Variants in UGGT2 observed in about 807,000 individuals in gnomAD.
UGGT2 encodes the protein UDP-glucose glycoprotein glucosyltransferase 2, also known as UDP-glucose:glycoprotein glucosyltransferase 2.
A neutral mutation model predicts 192.1 loss-of-function variants in UGGT2; 180 were observed. That is an observed-to-expected ratio of 0.94 (90% CI 0.83 to 1.06). UGGT2 has a LOEUF of 1.06. UGGT2 is among the 50% of genes least tolerant of loss of function. The pLI, the probability that UGGT2 is intolerant of heterozygous loss-of-function variation, is 0.00. For missense variants in UGGT2, 1,849 were observed against 1,795.7 expected (o/e 1.03, Z -0.54); for synonymous variants, 580 against 591.0 (o/e 0.98, Z 0.27).
At chr13:95,911,354 G>A (rs981239218) in intron 20 of UGGT2, among the ~76,000 whole-genome samples, 1 of 152,052 alleles carries the variant, frequency 6.6e-6, no homozygotes, top group Admixed American at 6.6e-5. Flanking sequence ...TAATAAAGAA[G>A]AAAAGAAAGA....
intron 12 of UGGT2, among the ~76,000 whole-genome samples, chr13:95,969,795 T>C (rs986439372): frequency 2.0e-5 from 3 of 152,252 alleles, no homozygotes; most frequent in Non-Finnish European, 4.4e-5. Flanking sequence ...GTAGCACTTT[T>C]ATATACACCT....
chr13:96,053,017 G>A (rs1041425867), intron 1 of UGGT2, 138 bp downstream of exon 1: 1 of 1,197,184 alleles, frequency 8.4e-7, no homozygotes, highest in Non-Finnish European at 1.1e-6. Context: ...GGAAGGAGGT[G>A]GTGATGCTCA....
At chr13:95,805,584 A>G (rs1884263427) in intron 38 of UGGT2, among the ~76,000 whole-genome samples, 1 of 152,150 alleles carries the variant, frequency 6.6e-6, no homozygotes, top group Non-Finnish European at 1.5e-5. Flanking sequence ...ATACAATGGG[A>G]TTTTATCCAG....
intron 12 of UGGT2, among the ~76,000 whole-genome samples, chr13:95,963,769 G>T (rs1413210550): frequency 2.0e-5 from 3 of 151,974 alleles, no homozygotes; most frequent in Admixed American, 6.6e-5. Context: ...AATCAAAAGG[G>T]TAATCCCATT....
At position 95,837,154 on chromosome 13, in the gene UGGT2, G is replaced by C. The variant is rs762609868; in HGVS notation, c.4333C>G (p.Gln1445Glu). The change falls in exon 37 of 39, where the codon CAA becomes GAA. Residue 1445 changes from glutamine to glutamate, a missense_variant. Gln to Glu is a conservative substitution (Grantham distance 29). Transcript: ENST00000376747. The stretch of plus-strand genomic sequence containing the variant: ...CAGGTTTCACACCACAGCCAGTCTT[G>C]AGGAAGAGACTTAATGGCGACTTGG... ...IYQVAIKSLP[Q>E]DWLWCETWCD... 6.2e-7 allele frequency: 1 copy of C among 1,614,026 alleles called. No homozygotes were observed. Among genetic ancestry groups the C allele is most frequent in the Non-Finnish European group, 8.5e-7 (1 of 1,179,982 alleles).
chr13:95,853,372 T>G (rs912430323), intron 36 of UGGT2, among the ~76,000 whole-genome samples, 171 bp downstream of exon 36: 2 of 152,192 alleles, frequency 1.3e-5, no homozygotes, highest in African/African-American at 4.8e-5. Flanking sequence ...TTGAAAATGT[T>G]GAGCTTGAGG....
rs146711266 is a variant in UGGT2 at position 95,910,149 on chromosome 13, A to C, written c.2296-7089T>G. Among the ~76,000 whole-genome samples, 94 of 152,332 alleles carry C rather than the reference A, an allele frequency of 6.2e-4. 1 individual carries two copies. In the East Asian group the frequency reaches 0.018, roughly 29 times the overall value. ...CCACTGCAAAAACATGCCAAACTGT[A>C]AAGACCATTGGTGCTATGAAGAAAC... On this transcript the variant is annotated intron_variant, in intron 20 of 38. Transcript: ENST00000376747.
rs372263649 is a variant in UGGT2 at position 95,877,902 on chromosome 13, T to C, written c.3229-46A>G. 6.5e-6 allele frequency: 10 copies of C among 1,533,586 alleles called. No homozygotes were observed. The African/African-American group carries it at 8.3e-5, about 13-fold the overall frequency. 95.0% of individuals were successfully genotyped at this position (1,533,586 alleles called of 1,614,324 possible). A position where few individuals can be genotyped will look rare whatever the true frequency, so the allele number is the denominator to read the frequency against. ...TGTTTTTGGTGTTATGTAAAACTCA[T>C]AATACAAAATTTTGAAATAAATAAA... On this transcript the variant is annotated intron_variant, in intron 27 of 38. Transcript: ENST00000376747.
intron 12 of UGGT2, among the ~76,000 whole-genome samples, chr13:95,951,536 A>G (rs954120462): frequency 7.9e-5 from 12 of 152,242 alleles, no homozygotes; most frequent in Admixed American, 5.2e-4. Context: ...AGAATCATAC[A>G]GAGCCTTCAA....
At chr13:95,979,958 T>TACA (rs2051064345) in intron 10 of UGGT2, among the ~76,000 whole-genome samples, 1 of 152,280 alleles carries the variant, frequency 6.6e-6, no homozygotes. Context: ...ACCTCACTCC[T>TACA]ACAAGAATGG....
chr13:95,845,552 TCTC>T (rs1455483403), intron 36 of UGGT2, among the ~76,000 whole-genome samples: 2 of 150,546 alleles, frequency 1.3e-5, no homozygotes, highest in African/African-American at 4.9e-5. Flanking sequence ...CAAAATGGAG[TCTC>T]CTATGTCTAC....
intron 20 of UGGT2, among the ~76,000 whole-genome samples, chr13:95,912,721 G>A (rs923435130): frequency 6.6e-6 from 1 of 152,134 alleles, no homozygotes; most frequent in African/African-American, 2.4e-5. Flanking sequence ...TTTCTTCACA[G>A]AATTGGAAAA....
At chr13:95,920,653 C>G (rs1235957537) in intron 20 of UGGT2, among the ~76,000 whole-genome samples, 2 of 152,140 alleles carry the variant, frequency 1.3e-5, no homozygotes, top group African/African-American at 2.4e-5. Context: ...ACATCTCACG[C>G]CAGTCAGAAT....
chr13:95,890,791 A>T, intron 25 of UGGT2, 71 bp downstream of exon 25: 1 of 1,183,252 alleles, frequency 8.5e-7, no homozygotes, highest in Non-Finnish European at 1.2e-6. Flanking sequence ...AGCTGATTAT[A>T]TTTGAAAACA....
chr13:95,982,713 C>T (rs751780685), intron 10 of UGGT2, among the ~76,000 whole-genome samples: 6 of 152,078 alleles, frequency 3.9e-5, no homozygotes, highest in Admixed American at 6.5e-5. Context: ...CAAACCCACT[C>T]CTTTGTGTGT....
intron 16 of UGGT2, among the ~76,000 whole-genome samples, chr13:95,939,476 CTTTT>C (rs35091779): frequency 1.8e-5 from 2 of 109,138 alleles, no homozygotes; most frequent in Non-Finnish European, 3.7e-5. Context: ...GAGTTGTTGC[CTTTT>C]TTTTTTTTTT....
At chr13:95,872,184 C>G (rs1266957067) in intron 29 of UGGT2, among the ~76,000 whole-genome samples, 1 of 152,056 alleles carries the variant, frequency 6.6e-6, no homozygotes, top group Non-Finnish European at 1.5e-5. Context: ...GGTAGAACTA[C>G]AAAGAAATAA....
At position 95,970,269 on chromosome 13, in the gene UGGT2, A is replaced by G; in HGVS notation, c.1185-7T>C. 1 of 1,585,990 alleles carries G rather than the reference A, an allele frequency of 6.3e-7. No homozygotes were observed. Among genetic ancestry groups the G allele is most frequent in the African/African-American group, 1.4e-5 (1 of 73,300 alleles). On this transcript the variant is annotated splice_region_variant and splice_polypyrimidine_tract_variant and intron_variant, in intron 11 of 38. Transcript: ENST00000376747. ...TTTCAGCATATCCAAAATACTATAT[A>G]TTCAAAGAAAAAACAGTTTTATTTT...
intron 36 of UGGT2, among the ~76,000 whole-genome samples, chr13:95,847,512 G>A (rs1888591129): frequency 6.6e-6 from 1 of 152,024 alleles, no homozygotes; most frequent in Non-Finnish European, 1.5e-5. Context: ...TGTCTCCATA[G>A]TTTTGCTTTT....
Sources: gnomAD v4.1 joint callset for allele counts (sites outside exome capture counted in the v4.1 genomes callset) on GRCh38, gnomAD v4.1.1 for gene constraint, MANE v1.5 for transcripts, NCBI Gene and HGNC (gene_info 2026-07-23, HGNC 2026-07-21) for gene names.